Variants in SEMA3A observed in about 807,000 individuals in gnomAD.
SEMA3A encodes the protein semaphorin 3A.
In SEMA3A, 29 loss-of-function variants were observed where a neutral mutation model predicts 97.9. The ratio of observed to expected loss-of-function variants is 0.30; its 90% CI spans 0.22 to 0.40. The LOEUF is 0.40. Ranked by LOEUF, SEMA3A falls within the 10% of genes least tolerant of loss-of-function variation. SEMA3A has a pLI of 1.00. For missense variants in SEMA3A, 763 were observed against 951.3 expected (o/e 0.80, Z 2.60); for synonymous variants, 321 against 323.7 (o/e 0.99, Z 0.09).
intron 4 of SEMA3A, among the ~76,000 whole-genome samples, chr7:84,072,418 G>T (rs1793773926): frequency 6.6e-6 from 1 of 151,898 alleles, no homozygotes; most frequent in Admixed American, 6.6e-5. Context: ...GACTGTTTTT[G>T]CTCAATAGGA....
chr7:84,337,363 T>C (rs889294933), intron 2 of SEMA3A, among the ~76,000 whole-genome samples: 2 of 152,164 alleles, frequency 1.3e-5, no homozygotes, highest in African/African-American at 2.4e-5. Context: ...CAGAGATCCA[T>C]GTCTACATAT....
At chr7:84,009,896 C>T (rs1348605110) in intron 9 of SEMA3A, among the ~76,000 whole-genome samples, 1 of 89,838 alleles carries the variant, frequency 1.1e-5, no homozygotes, top group Admixed American at 1.6e-4. Context: ...TTGAGTTTGA[C>T]ACTGGTTACA....
intron 1 of SEMA3A, among the ~76,000 whole-genome samples, chr7:84,454,514 C>G (rs771315066): frequency 6.6e-6 from 1 of 152,078 alleles, no homozygotes; most frequent in Non-Finnish European, 1.5e-5. Context: ...GTTACTAAAA[C>G]AGTAACTTTA....
At chr7:84,077,391 A>G (rs541828132) in intron 4 of SEMA3A, among the ~76,000 whole-genome samples, 12 of 152,182 alleles carry the variant, frequency 7.9e-5, no homozygotes, top group African/African-American at 1.9e-4. Context: ...TGTTTGTCAA[A>G]TCCATGATTA....
At chr7:84,100,935 T>C (rs1242727564) in intron 4 of SEMA3A, among the ~76,000 whole-genome samples, 3 of 152,200 alleles carry the variant, frequency 2.0e-5, no homozygotes, top group East Asian at 3.9e-4. Context: ...TTCACCTCAG[T>C]GCTGTTCTCA....
chr7:84,193,162 T>G (rs561190579), intron 1 of SEMA3A, among the ~76,000 whole-genome samples: 1 of 152,090 alleles, frequency 6.6e-6, no homozygotes, highest in Non-Finnish European at 1.5e-5. Context: ...TAAATAGATA[T>G]TCTAATTCAA....
intron 1 of SEMA3A, among the ~76,000 whole-genome samples, chr7:84,153,058 G>A (rs1310501844): frequency 6.6e-6 from 1 of 152,066 alleles, no homozygotes; most frequent in East Asian, 1.9e-4. Flanking sequence ...AGCTGAGTTT[G>A]TTTGATGATC....
intron 3 of SEMA3A, among the ~76,000 whole-genome samples, chr7:84,200,751 A>AG (rs1424650141): frequency 6.6e-6 from 1 of 151,604 alleles, no homozygotes; most frequent in Admixed American, 6.6e-5. Context: ...CCTGAATATT[A>AG]ATATATTAAA....
intron 4 of SEMA3A, among the ~76,000 whole-genome samples, chr7:84,099,816 T>C (rs2115893474): frequency 6.6e-6 from 1 of 152,288 alleles, no homozygotes; most frequent in East Asian, 1.9e-4. Flanking sequence ...ATGATGTCAC[T>C]ACTGAACTTT....
chr7:84,029,753 G>A (rs1408279019), intron 6 of SEMA3A, among the ~76,000 whole-genome samples: 1 of 151,018 alleles, frequency 6.6e-6, no homozygotes, highest in Non-Finnish European at 1.5e-5. Flanking sequence ...TAATCTCTAG[G>A]AACAATTTTT....
chr7:84,001,918 C>G (rs758597437), intron 12 of SEMA3A, 37 bp downstream of exon 12: 1 of 1,441,672 alleles, frequency 6.9e-7, no homozygotes, highest in Admixed American at 1.7e-5. Context: ...AGACGTACAA[C>G]TGAACTTGTT....
At position 84,091,163 on chromosome 7, in the gene SEMA3A, G is replaced by GAAA. The variant is rs1554324891; in HGVS notation, c.453+19306_453+19307insTTT. Among the ~76,000 whole-genome samples the GAAA allele has an allele frequency of 7.0e-4, 18 of 25,678 alleles. 1 individual carries two copies. Among genetic ancestry groups the GAAA allele is most frequent in the East Asian group, 2.3e-3 (2 of 884 alleles). The allele number at this position is 25,678 out of a possible 152,430, so 16.8% of individuals were successfully genotyped here. A position where few individuals can be genotyped will look rare whatever the true frequency, so the allele number is the denominator to read the frequency against. On this transcript the variant is annotated intron_variant, in intron 4 of 16. Coordinates refer to ENST00000265362, the MANE Select transcript of SEMA3A (RefSeq NM_006080.3). ...AGGAAGGAAGGAAGGAAGGAAGGAA[G>GAAA]GAAGGAAAGAAAGAAAGAAAGAAAG...
At chr7:84,098,855 G>C (rs1440307755) in intron 4 of SEMA3A, among the ~76,000 whole-genome samples, 1 of 151,990 alleles carries the variant, frequency 6.6e-6, no homozygotes, top group East Asian at 1.9e-4. Context: ...GAACTTCCCT[G>C]AGCCTTAGTT....
chr7:84,340,728 C>T (rs1364391023), intron 2 of SEMA3A, among the ~76,000 whole-genome samples: 1 of 144,932 alleles, frequency 6.9e-6, no homozygotes, highest in South Asian at 2.2e-4. Context: ...GGGAGTGAGC[C>T]GAGATCACAC....
chr7:84,000,977 A>G (rs1790420744), intron 12 of SEMA3A, among the ~76,000 whole-genome samples: 1 of 152,134 alleles, frequency 6.6e-6, no homozygotes, highest in Non-Finnish European at 1.5e-5. Flanking sequence ...AAACTACCAC[A>G]GACACCTGAA....
At chr7:84,330,612 AC>A (rs1289376270) in intron 2 of SEMA3A, among the ~76,000 whole-genome samples, 1 of 151,992 alleles carries the variant, frequency 6.6e-6, no homozygotes, top group Non-Finnish European at 1.5e-5. Flanking sequence ...TTTTTCCTTT[AC>A]CACCCAAAAT....
chr7:84,178,789 C>T (rs1797650289), intron 1 of SEMA3A, among the ~76,000 whole-genome samples: 1 of 152,068 alleles, frequency 6.6e-6, no homozygotes, highest in Non-Finnish European at 1.5e-5. Flanking sequence ...GTTACTTGCC[C>T]ATGGTTATTC....
chr7:84,127,794 T>C, intron 3 of SEMA3A, among the ~76,000 whole-genome samples: 1 of 152,182 alleles, frequency 6.6e-6, no homozygotes, highest in East Asian at 1.9e-4. Context: ...AATCAAGTTG[T>C]CGCTTGAAAA....
intron 1 of SEMA3A, among the ~76,000 whole-genome samples, chr7:84,404,423 G>A (rs1584296341): frequency 6.6e-6 from 1 of 152,200 alleles, no homozygotes; most frequent in Non-Finnish European, 1.5e-5. Flanking sequence ...TCTAATTGGT[G>A]TACCTGAAAG....
Sources: gnomAD v4.1 joint callset for allele counts (sites outside exome capture counted in the v4.1 genomes callset) on GRCh38, gnomAD v4.1.1 for gene constraint, MANE v1.5 for transcripts, NCBI Gene and HGNC (gene_info 2026-07-23, HGNC 2026-07-21) for gene names.